Variants in FBXW8 observed in about 807,000 individuals in gnomAD.
FBXW8 encodes the protein F-box and WD repeat domain containing 8.
Under a neutral mutation model 65.3 loss-of-function variants are expected in FBXW8, and 57 were observed. The ratio of observed to expected loss-of-function variants is 0.87; its 90% CI spans 0.71 to 1.09. FBXW8 has a LOEUF of 1.09. FBXW8 is among the 50% of genes least tolerant of loss of function. The pLI, the probability that FBXW8 is intolerant of heterozygous loss-of-function variation, is 0.00. For missense variants in FBXW8, 777 were observed against 814.8 expected (o/e 0.95, Z 0.57); for synonymous variants, 308 against 330.2 (o/e 0.93, Z 0.73).
intron 1 of FBXW8, among the ~76,000 whole-genome samples, chr12:116,926,849 A>G (rs992239831): frequency 6.6e-6 from 1 of 152,092 alleles, no homozygotes; most frequent in Admixed American, 6.5e-5. Flanking sequence ...AGACTTCTAG[A>G]TGAACAGAAA....
rs538439231 is a variant in FBXW8, at chr12:116,928,203, A to G, written c.423+76A>G. On this transcript the variant is annotated intron_variant, in intron 2 of 10. Transcript: ENST00000652555. ...GTATAGGACTCTCCGGGGTAATAGAAATTTACTCACAGAATTATAAACTTT... is the reference window on the plus strand; with the variant it reads ...GTATAGGACTCTCCGGGGTAATAGAGATTTACTCACAGAATTATAAACTTT... 26 of 904,614 alleles carry G rather than the reference A, an allele frequency of 2.9e-5. No homozygotes were observed. The South Asian group carries it at 3.7e-4, about 13-fold the overall frequency. 56.0% of individuals were successfully genotyped at this position (904,614 alleles called of 1,614,324 possible).
chr12:116,978,576 CCTGT>C (rs1435508428), intron 5 of FBXW8: 2 of 152,128 alleles, frequency 1.3e-5, no homozygotes, highest in South Asian at 2.1e-4. Context: ...GTTAATTGAT[CCTGT>C]CTATTTAACG....
chr12:116,979,493 C>T (rs140219412), intron 5 of FBXW8: 2 of 152,442 alleles, frequency 1.3e-5, no homozygotes, highest in Non-Finnish European at 2.9e-5. Flanking sequence ...GTGGGAGTGC[C>T]AGGCCCTGCC....
rs1303355886 is a variant in FBXW8 at position 117,029,536 on chromosome 12, A to C, written c.*1364A>C. 1 of 152,256 alleles carries C rather than the reference A, an allele frequency of 6.6e-6. No individual in the cohort carries two copies. The highest frequency in any genetic ancestry group is 2.4e-5 in the African/African-American group (1 of 41,454). The allele number at this position is 152,256 out of a possible 1,614,324, so 9.4% of individuals were successfully genotyped here. The stretch of plus-strand genomic sequence containing the variant: ...CAGCAATCCCAAAGCAGCAGAAGGC[A>C]GGGGTTAAATCAGGATAAAAACAGA... On this transcript the variant is annotated 3_prime_UTR_variant, in exon 11 of 11. Transcript: ENST00000652555.
chr12:117,019,480 A>T (rs925575899), intron 8 of FBXW8, among the ~76,000 whole-genome samples: 11 of 152,186 alleles, frequency 7.2e-5, no homozygotes, highest in African/African-American at 2.7e-4. Flanking sequence ...AGCGTTGAGT[A>T]TATCTATTCA....
intron 2 of FBXW8, among the ~76,000 whole-genome samples, chr12:116,939,961 T>C (rs918953030): frequency 6.6e-6 from 1 of 152,196 alleles, no homozygotes; most frequent in African/African-American, 2.4e-5. Flanking sequence ...GGACCAGACA[T>C]GCCAAAAATA....
chr12:116,923,089 T>C (rs934249556), intron 1 of FBXW8, among the ~76,000 whole-genome samples: 1 of 152,128 alleles, frequency 6.6e-6, no homozygotes, highest in South Asian at 2.1e-4. Flanking sequence ...GCCTGTAATC[T>C]CAGCTACTTG....
intron 5 of FBXW8, among the ~76,000 whole-genome samples, chr12:116,965,639 A>G (rs545800002): frequency 1.1e-4 from 16 of 152,332 alleles, no homozygotes; most frequent in African/African-American, 2.9e-4. Flanking sequence ...CACCACTGCA[A>G]ATCTTCAGAG....
At chr12:117,004,264 C>G (rs551461854) in intron 7 of FBXW8, among the ~76,000 whole-genome samples, 2 of 152,290 alleles carry the variant, frequency 1.3e-5, no homozygotes, top group African/African-American at 4.8e-5. Context: ...TTTTTATCCT[C>G]TCCCTCTTTT....
rs550423472 is a variant in FBXW8, at chr12:117,018,809, A to C, written c.1368-5338A>C. ...AAATACAATAGGAAAACAGATGGCA[A>C]ACTTTGAACTTCTGGACCAAATTTG... On this transcript the variant is annotated intron_variant, in intron 8 of 10. Transcript: ENST00000652555. 1.3e-4 allele frequency among the ~76,000 whole-genome samples: 20 copies of C among 152,330 alleles called. No homozygotes were observed. The South Asian group carries it at 4.1e-3, about 32-fold the overall frequency.
intron 5 of FBXW8, among the ~76,000 whole-genome samples, chr12:116,982,972 A>T (rs943986033): frequency 6.6e-6 from 1 of 152,148 alleles, no homozygotes; most frequent in African/African-American, 2.4e-5. Flanking sequence ...AAGTCATGAC[A>T]TAACAAGTGG....
chr12:117,002,386 T>C (rs1480941943), intron 7 of FBXW8: 2 of 152,262 alleles, frequency 1.3e-5, no homozygotes, highest in Non-Finnish European at 2.9e-5. Flanking sequence ...TGTGCTGAAT[T>C]TGAGCATGGA....
chr12:116,949,649 A>G lies in FBXW8; in HGVS notation c.620A>G (p.His207Arg). ...AAAGGTGCCGTGAGCGAGCTGGAGCATGTTCCTGACACAGTTTTGTGTGAT... is the reference window on the plus strand; with the variant it reads ...AAAGGTGCCGTGAGCGAGCTGGAGCGTGTTCCTGACACAGTTTTGTGTGAT... ...NRKGAVSELE[H>R]VPDTVLCDVH... The change falls in exon 4 of 11, where the codon CAT becomes CGT. Residue 207 changes from histidine to arginine, a missense_variant. His to Arg is a conservative substitution (Grantham distance 29). Transcript: ENST00000652555. 2.5e-6 allele frequency: 4 copies of G among 1,614,188 alleles called. No individual in the cohort carries two copies. Among genetic ancestry groups the G allele is most frequent in the Non-Finnish European group, 3.4e-6 (4 of 1,180,032 alleles).
At chr12:116,970,216 G>T (rs760912702) in intron 5 of FBXW8, among the ~76,000 whole-genome samples, 2 of 152,186 alleles carry the variant, frequency 1.3e-5, no homozygotes, top group African/African-American at 2.4e-5. Context: ...GGTGAGAAAT[G>T]AGATTACACA....
intron 2 of FBXW8, among the ~76,000 whole-genome samples, chr12:116,930,903 G>C (rs564156013): frequency 7.2e-5 from 11 of 152,308 alleles, no homozygotes; most frequent in Admixed American, 5.9e-4. Context: ...AAACTTTTGG[G>C]CTCACGTGAT....
At chr12:116,975,721 AAC>A (rs1247395623) in intron 5 of FBXW8, among the ~76,000 whole-genome samples, 1 of 152,228 alleles carries the variant, frequency 6.6e-6, no homozygotes. Context: ...GGGAAGGCAC[AAC>A]ACCTTCTGAT....
chr12:117,024,174 T>G lies in FBXW8; in HGVS notation c.1395T>G (p.Gly465=). 1 of 1,614,114 alleles carries G rather than the reference T, an allele frequency of 6.2e-7. No homozygotes were observed. The highest frequency in any genetic ancestry group is 8.5e-7 in the Non-Finnish European group (1 of 1,179,996). Residue 465 remains glycine (G), a synonymous_variant, in exon 9 of 11, where the codon GGT becomes GGG. Coordinates refer to ENST00000652555, the MANE Select transcript of FBXW8 (RefSeq NM_153348.3). Reference sequence around the variant, plus strand: ...TGAGGATCCACGACCTCCGCAGTGGTAACATCGCCCTGTCGCTCTCCGCCC... The same window carrying G: ...TGAGGATCCACGACCTCCGCAGTGGGAACATCGCCCTGTCGCTCTCCGCCC... ...GRVRIHDLRS[G]NIALSLSAHQ... is the part of the protein sequence containing the mutation.
In FBXW8 at chr12:116,911,179, C is replaced by G. The variant is rs1879893109; in HGVS notation, c.142C>G (p.Gln48Glu). 5 of 1,330,252 alleles carry G rather than the reference C, an allele frequency of 3.8e-6. No homozygotes were observed. Among genetic ancestry groups the G allele is most frequent in the Admixed American group, 4.2e-5 (1 of 24,018 alleles). 82.4% of individuals were successfully genotyped at this position (1,330,252 alleles called of 1,614,324 possible). ...RPEVGSGRGE[Q>E]ASGDPALAQR... ...GGAGGTGGGCTCCGGGCGCGGCGAA[C>G]AGGCCTCGGGGGACCCGGCGCTGGC... is the stretch of plus-strand genomic sequence containing the variant. Residue 48 changes from glutamine to glutamate, a missense_variant, in exon 1 of 11, where the codon CAG (glutamine) becomes GAG (glutamate). Gln to Glu is a conservative substitution (Grantham distance 29). Transcript: ENST00000652555.
intron 8 of FBXW8, among the ~76,000 whole-genome samples, chr12:117,014,289 T>A (rs888945297): frequency 6.6e-6 from 1 of 152,234 alleles, no homozygotes; most frequent in Non-Finnish European, 1.5e-5. Flanking sequence ...TTTCTTTTTT[T>A]ATATATAGTT....
Sources: allele counts gnomAD v4.1 joint callset (sites outside exome capture counted in the v4.1 genomes callset), GRCh38; gene constraint gnomAD v4.1.1; transcripts MANE v1.5; gene names NCBI Gene and HGNC (gene_info 2026-07-23, HGNC 2026-07-21).